Variants in MTCH2 observed in about 807,000 individuals in gnomAD.
MTCH2 encodes mitochondrial carrier homolog 2.
In MTCH2, 25 loss-of-function variants were observed where a neutral mutation model predicts 50.6. The ratio of observed to expected loss-of-function variants is 0.49; its 90% confidence interval spans 0.36 to 0.69. The LOEUF is 0.69. Ranked by LOEUF, MTCH2 falls within the 30% of genes least tolerant of loss-of-function variation. The pLI, the probability that MTCH2 is intolerant of heterozygous loss-of-function variation, is 0.00. For missense variants in MTCH2, 273 were observed against 384.4 expected (o/e 0.71, Z 2.42); for synonymous variants, 106 against 132.0 (o/e 0.80, Z 1.35).
the MTCH2 span, among the ~76,000 whole-genome samples, chr11:47,610,011 T>A: frequency 1.3e-5 from 2 of 152,202 alleles, no homozygotes; most frequent in African/African-American, 4.8e-5. Context: ...GGCATAATGC[T>A]GTGTTTATAA....
chr11:47,612,831 C>T (rs1012596843), downstream of MTCH2, among the ~76,000 whole-genome samples: 2 of 151,902 alleles, frequency 1.3e-5, no homozygotes, highest in Admixed American at 1.3e-4. Flanking sequence ...AAGATTCTGA[C>T]TCCTTTCAAG....
chr11:47,618,988 A>G, intron 12 of MTCH2, 69 bp from the exon 13 acceptor site: 1 of 1,392,364 alleles, frequency 7.2e-7, no homozygotes, highest in Admixed American at 1.7e-5. Flanking sequence ...CCAAATCAGC[A>G]GAGAGGTCCA....
chr11:47,611,308 GT>G, the MTCH2 span, among the ~76,000 whole-genome samples: 1 of 152,248 alleles, frequency 6.6e-6, no homozygotes, highest in Admixed American at 6.5e-5. Context: ...GCAGTCTGAG[GT>G]GAGGCATGGT....
At chr11:47,632,352 T>G (rs972766515) in intron 5 of MTCH2, among the ~76,000 whole-genome samples, 1 of 151,944 alleles carries the variant, frequency 6.6e-6, no homozygotes. Flanking sequence ...ACCATTGGCT[T>G]TTGCATTTTT....
intron 1 of MTCH2, among the ~76,000 whole-genome samples, chr11:47,642,070 G>A (rs2097314703): frequency 6.6e-6 from 1 of 152,172 alleles, no homozygotes; most frequent in Non-Finnish European, 1.5e-5. Flanking sequence ...GTGGCGACCG[G>A]CCAGGATCCA....
chr11:47,638,937 T>C (rs1283080423), intron 2 of MTCH2, 30 bp downstream of exon 2: 11 of 1,595,848 alleles, frequency 6.9e-6, no homozygotes, highest in Non-Finnish European at 8.6e-6. Flanking sequence ...CTCAACGTCA[T>C]GCAAACCCAA....
At chr11:47,613,891 C>G (rs1225258493), downstream of MTCH2, among the ~76,000 whole-genome samples, 1 of 152,098 alleles carries the variant, frequency 6.6e-6, no homozygotes, top group Non-Finnish European at 1.5e-5. Flanking sequence ...CAAGACCAGC[C>G]TAGCCAACAT....
Position 47,636,491 on chromosome 11 carries a change from C to T in MTCH2, c.280-920G>A, listed in dbSNP as rs1056879539. Among the ~76,000 whole-genome samples the T allele has an allele frequency of 2.0e-5, 3 of 149,414 alleles. 1 individual carries two copies. The highest frequency in any genetic ancestry group is 4.5e-5 in the Non-Finnish European group (3 of 67,310). On this transcript the variant is annotated intron_variant, in intron 3 of 12. Coordinates refer to ENST00000302503, the MANE Select transcript of MTCH2 (RefSeq NM_014342.4). ...TCACGCCTGTAATCCCAGCACTTTGCGTGGCTGAGGCAGGCGGATCACCTG... is the reference window on the plus strand; with the variant it reads ...TCACGCCTGTAATCCCAGCACTTTGTGTGGCTGAGGCAGGCGGATCACCTG...
At chr11:47,629,538 GC>G (rs2097301080) in intron 8 of MTCH2, among the ~76,000 whole-genome samples, 1 of 152,104 alleles carries the variant, frequency 6.6e-6, no homozygotes. Context: ...AGGTGAGGCA[GC>G]ATGGAATAGT....
At chr11:47,629,142 C>T (rs1276753389) in intron 8 of MTCH2, 96 bp from the exon 9 acceptor site, 1 of 1,046,818 alleles carries the variant, frequency 9.6e-7, no homozygotes, top group Non-Finnish European at 1.4e-6. Context: ...TTAGAGGTCA[C>T]AAAACATTCT....
chr11:47,639,784 G>A (rs2097312284), intron 1 of MTCH2, among the ~76,000 whole-genome samples: 1 of 152,114 alleles, frequency 6.6e-6, no homozygotes, highest in Admixed American at 6.6e-5. Context: ...GTTGCAGTGA[G>A]CCGAGATTGT....
chr11:47,613,610 A>C (rs1460379944), downstream of MTCH2, among the ~76,000 whole-genome samples: 1 of 152,174 alleles, frequency 6.6e-6, no homozygotes, highest in African/African-American at 2.4e-5. Context: ...CATCTATATA[A>C]ACCATCATAA....
At chr11:47,642,251 G>GGCAGCGGAGGA (rs2097314952) in intron 1 of MTCH2, 128 bp downstream of exon 1, 2 of 792,664 alleles carry the variant, frequency 2.5e-6, no homozygotes, top group Non-Finnish European at 1.9e-6. Flanking sequence ...GGAGGTAAAG[G>GGCAGCGGAGGA]GCAGCGGAGG....
At position 47,625,831 on chromosome 11, in the gene MTCH2, T is replaced by C. The variant is rs931629197; in HGVS notation, c.682-90A>G. 49 of 969,468 alleles carry C rather than the reference T, an allele frequency of 5.1e-5. No individual in the cohort carries two copies. In the Admixed American group the frequency reaches 9.6e-4, roughly 19 times the overall value. 60.1% of individuals were successfully genotyped at this position (969,468 alleles called of 1,614,324 possible). A position where few individuals can be genotyped will look rare whatever the true frequency, so the allele number is the denominator to read the frequency against. On this transcript the variant is annotated intron_variant, in intron 10 of 12. Transcript: ENST00000302503. ...CCTTAAAGGCCTAGTGCCACTGCGG[T>C]GAGACACTCTAACACTTGTCTCGCT... is the stretch of plus-strand genomic sequence containing the variant.
rs146654371 is a variant in MTCH2, at chr11:47,617,527, A to G, written c.*1306T>C. 4.6e-5 allele frequency: 7 copies of G among 152,746 alleles called. No individual in the cohort carries two copies. Among genetic ancestry groups the G allele is most frequent in the African/African-American group, 1.2e-4 (5 of 41,572 alleles). 9.5% of individuals were successfully genotyped at this position (152,746 alleles called of 1,614,324 possible). On this transcript the variant is annotated 3_prime_UTR_variant, in exon 13 of 13. Transcript: ENST00000302503. The stretch of plus-strand genomic sequence containing the variant: ...CCCAGGGGAGGGAAGAGACCCCTGC[A>G]TTCTCGTTCTGTCTAATATTATCAG...
chr11:47,642,409 C>T lies in MTCH2; in HGVS notation c.57G>A (p.Gln19=), dbSNP rs771285432. 11 of 1,609,746 alleles carry T rather than the reference C, an allele frequency of 6.8e-6. No individual in the cohort carries two copies. The South Asian group carries it at 1.1e-4, about 16-fold the overall frequency. Residue 19 remains glutamine, a synonymous_variant, in exon 1 of 13, where the codon CAG becomes CAA. Coordinates refer to ENST00000302503, the MANE Select transcript of MTCH2 (RefSeq NM_014342.4). ...TGAGCACTTTCACGTACATGAGCGG[C>T]TGGGACAGGATGGTGAGACCGGAGC... The part of the protein sequence containing the change: ...LLGSGLTILS[Q]PLMYVKVLIQ...
intron 5 of MTCH2, 92 bp from the exon 6 acceptor site, chr11:47,631,803 TAAGA>T: frequency 7.3e-7 from 1 of 1,370,446 alleles, no homozygotes; most frequent in Non-Finnish European, 1.0e-6. Flanking sequence ...TGGTATAGGA[TAAGA>T]AAGTGAATGA....
intron 8 of MTCH2, 109 bp downstream of exon 8, chr11:47,630,446 G>T: frequency 2.0e-6 from 2 of 993,000 alleles, no homozygotes; most frequent in Non-Finnish European, 1.6e-6. Flanking sequence ...CGTGAGGTAA[G>T]CCCAGGGAGT....
At chr11:47,636,171 C>A (rs886432455) in intron 3 of MTCH2, among the ~76,000 whole-genome samples, 6 of 151,588 alleles carry the variant, frequency 4.0e-5, no homozygotes, top group Non-Finnish European at 7.4e-5. Context: ...CGGTAGCTCA[C>A]GCCTATAATC....
Sources: gnomAD v4.1 joint callset for allele counts (sites outside exome capture counted in the v4.1 genomes callset) on GRCh38, gnomAD v4.1.1 for gene constraint, MANE v1.5 for transcripts, NCBI Gene and HGNC (gene_info 2026-07-23, HGNC 2026-07-21) for gene names.